Variants in ERP44 observed in about 807,000 individuals in gnomAD.
The protein encoded by ERP44 is endoplasmic reticulum resident protein 44.
In ERP44, 25 loss-of-function variants were observed where a neutral mutation model predicts 53.4. That is an observed-to-expected ratio of 0.47 (90% confidence interval 0.34 to 0.65). The LOEUF (loss-of-function observed/expected upper bound fraction) is 0.65. Ranked by LOEUF, ERP44 falls within the 30% of genes least tolerant of loss-of-function variation. ERP44 has a pLI of 0.01. For missense variants in ERP44, 338 were observed against 493.2 expected (o/e 0.69, Z 2.98); for synonymous variants, 145 against 161.2 (o/e 0.90, Z 0.76).
intron 4 of ERP44, among the ~76,000 whole-genome samples, chr9:100,026,349 T>C (rs991379757): frequency 6.6e-5 from 10 of 152,078 alleles, no homozygotes; most frequent in Non-Finnish European, 1.2e-4. Flanking sequence ...GCCACAAAGA[T>C]TAGGAAGCAT....
chr9:100,054,216 C>T (rs1220743582), intron 3 of ERP44, among the ~76,000 whole-genome samples: 1 of 152,166 alleles, frequency 6.6e-6, no homozygotes, highest in African/African-American at 2.4e-5. Flanking sequence ...TTCTAATAAA[C>T]ATTCAATATA....
At chr9:100,015,800 G>A (rs1018998105) in intron 8 of ERP44, among the ~76,000 whole-genome samples, 1 of 152,090 alleles carries the variant, frequency 6.6e-6, no homozygotes, top group African/African-American at 2.4e-5. Flanking sequence ...AGATCATCAG[G>A]CATTAGTTAG....
intron 1 of ERP44, among the ~76,000 whole-genome samples, chr9:100,080,335 G>T (rs1826409541): frequency 6.6e-6 from 1 of 151,978 alleles, no homozygotes; most frequent in African/African-American, 2.4e-5. Flanking sequence ...TCACCTTTAG[G>T]ACTGAACATC....
At chr9:100,080,474 C>T (rs981652586) in intron 1 of ERP44, among the ~76,000 whole-genome samples, 4 of 152,102 alleles carry the variant, frequency 2.6e-5, no homozygotes, top group African/African-American at 9.7e-5. Flanking sequence ...GAAAGCACTG[C>T]ACCAGCTAAG....
chr9:100,082,619 A>G (rs950457083), intron 1 of ERP44, among the ~76,000 whole-genome samples: 2 of 152,020 alleles, frequency 1.3e-5, no homozygotes, highest in African/African-American at 2.4e-5. Context: ...AGGACCCACA[A>G]TTAGCCCTGT....
chr9:100,061,400 C>T lies in ERP44; in HGVS notation c.58-1228G>A, dbSNP rs1052705369. Reference sequence around the variant, plus strand: ...TGGAGGTTGCAGTGAGCTGAGATTGCACCACTGCACTCCAGCCTGGGCAAC... The same window carrying T: ...TGGAGGTTGCAGTGAGCTGAGATTGTACCACTGCACTCCAGCCTGGGCAAC... On this transcript the variant is annotated intron_variant, in intron 1 of 11. Coordinates refer to ENST00000262455, the MANE Select transcript of ERP44 (RefSeq NM_015051.3). Among the ~76,000 whole-genome samples, 3 of 151,110 alleles carry T rather than the reference C, an allele frequency of 2.0e-5. No individual in the cohort carries two copies. The South Asian group carries it at 6.2e-4, about 31-fold the overall frequency.
chr9:100,024,014 G>A (rs1830624727), intron 4 of ERP44, among the ~76,000 whole-genome samples: 1 of 152,064 alleles, frequency 6.6e-6, no homozygotes, highest in African/African-American at 2.4e-5. Context: ...AATTAACCAG[G>A]CATGGTGGCA....
At chr9:99,999,578 A>G (rs2118622324) in intron 10 of ERP44, among the ~76,000 whole-genome samples, 1 of 152,300 alleles carries the variant, frequency 6.6e-6, no homozygotes, top group Admixed American at 6.5e-5. Context: ...TATTTTAAGT[A>G]TTAACCCCTC....
At chr9:100,079,421 C>A (rs977914670) in intron 1 of ERP44, among the ~76,000 whole-genome samples, 16 of 96,540 alleles carry the variant, frequency 1.7e-4, no homozygotes, top group Admixed American at 2.6e-4. Context: ...TTTACACACA[C>A]ACACACACAC....
intron 1 of ERP44, among the ~76,000 whole-genome samples, chr9:100,082,873 A>G (rs1826442689): frequency 1.3e-5 from 2 of 152,188 alleles, no homozygotes; most frequent in Non-Finnish European, 2.9e-5. Context: ...TATTTCAAAT[A>G]AATATAAAGA....
intron 4 of ERP44, among the ~76,000 whole-genome samples, chr9:100,034,803 C>T (rs1305350158): frequency 6.6e-6 from 1 of 152,112 alleles, no homozygotes; most frequent in Admixed American, 6.5e-5. Context: ...CCAGAGGCAT[C>T]GTATTACTGG....
chr9:100,000,403 G>A (rs1407290949), intron 10 of ERP44, among the ~76,000 whole-genome samples: 1 of 146,028 alleles, frequency 6.8e-6, no homozygotes, highest in South Asian at 2.1e-4. Flanking sequence ...TCCACTGCAC[G>A]CCAGCCTGAG....
intron 1 of ERP44, among the ~76,000 whole-genome samples, chr9:100,067,781 G>A (rs1301237874): frequency 6.6e-6 from 1 of 152,046 alleles, no homozygotes. Flanking sequence ...CATCTGGGAA[G>A]TGAGGAGCGT....
intron 1 of ERP44, among the ~76,000 whole-genome samples, chr9:100,093,646 G>A (rs912497108): frequency 4.6e-5 from 7 of 151,694 alleles, no homozygotes; most frequent in Admixed American, 6.6e-5. Flanking sequence ...CTGTCTGTGG[G>A]GGGGGAAAAA....
chr9:100,032,019 G>A (rs1587969012), intron 4 of ERP44, among the ~76,000 whole-genome samples: 1 of 152,124 alleles, frequency 6.6e-6, no homozygotes, highest in Non-Finnish European at 1.5e-5. Context: ...CTGCACTTTT[G>A]GATTAGAGAA....
chr9:100,068,902 A>G (rs1195785209), intron 1 of ERP44, among the ~76,000 whole-genome samples: 1 of 152,244 alleles, frequency 6.6e-6, no homozygotes, highest in Non-Finnish European at 1.5e-5. Context: ...GTGTCTGTGT[A>G]GAAAGAAGTA....
At chr9:100,042,962 T>A (rs1825922759) in intron 4 of ERP44, among the ~76,000 whole-genome samples, 1 of 151,906 alleles carries the variant, frequency 6.6e-6, no homozygotes, top group South Asian at 2.1e-4. Context: ...AAAAAAGTAG[T>A]TTGAAAGAAT....
intron 1 of ERP44, among the ~76,000 whole-genome samples, chr9:100,068,346 C>T (rs1826252409): frequency 7.5e-6 from 1 of 133,024 alleles, no homozygotes; most frequent in Non-Finnish European, 1.6e-5. Flanking sequence ...GGGTCAGCCC[C>T]CCGCCCGGCC....
At chr9:100,060,450 C>A (rs1217263548) in intron 1 of ERP44, among the ~76,000 whole-genome samples, 2 of 152,116 alleles carry the variant, frequency 1.3e-5, no homozygotes, top group East Asian at 1.9e-4. Context: ...ATATACATAT[C>A]TTTTCAAATT....
Sources: allele counts gnomAD v4.1 joint callset (sites outside exome capture counted in the v4.1 genomes callset), GRCh38; gene constraint gnomAD v4.1.1; transcripts MANE v1.5; gene names NCBI Gene and HGNC (gene_info 2026-07-23, HGNC 2026-07-21).